The following XKR9 variants were observed in gnomAD, a reference collection of about 807,000 sequenced individuals.
XKR9 encodes the protein XK-related protein 9.
Under a neutral mutation model 32.0 loss-of-function variants are expected in XKR9, and 32 were observed. The ratio of observed to expected loss-of-function variants is 1.00; its 90% CI spans 0.76 to 1.34. The LOEUF is 1.34. Among genes scored for constraint, XKR9 ranks in the 40% most tolerant of loss-of-function variants. XKR9 has a pLI of 0.00. For synonymous variants in XKR9, 168 were observed against 143.4 expected (o/e 1.17, Z -1.22); for missense variants, 546 against 429.7 (o/e 1.27, Z -2.39).
the XKR9 span, among the ~76,000 whole-genome samples, chr8:71,031,890 A>G: frequency 6.6e-6 from 1 of 152,166 alleles, no homozygotes; most frequent in Non-Finnish European, 1.5e-5. Context: ...TTGGACCTGT[A>G]CAGTCCACTG....
intron 2 of XKR9, among the ~76,000 whole-genome samples, chr8:70,771,582 A>C (rs1422957172): frequency 6.6e-6 from 1 of 152,212 alleles, no homozygotes; most frequent in Non-Finnish European, 1.5e-5. Context: ...TACTTCAAAA[A>C]ATATTATGCT....
chr8:70,840,786 A>G, the XKR9 span, among the ~76,000 whole-genome samples: 1 of 152,178 alleles, frequency 6.6e-6, no homozygotes, highest in African/African-American at 2.4e-5. Context: ...GGAGAAATTC[A>G]CAATGTTTAC....
At chr8:70,712,476 C>A (rs1471477421) in intron 4 of XKR9, among the ~76,000 whole-genome samples, 2 of 151,980 alleles carry the variant, frequency 1.3e-5, no homozygotes, top group South Asian at 2.1e-4. Context: ...AACTCAGGGT[C>A]CTCACAACCT....
intron 1 of XKR9, among the ~76,000 whole-genome samples, chr8:70,669,768 G>C (rs187563782): frequency 5.0e-4 from 75 of 148,972 alleles, no homozygotes; most frequent in African/African-American, 1.7e-3. Context: ...CCGGGTTCAC[G>C]CCATCCTCCT....
chr8:70,929,306 T>C, the XKR9 span, among the ~76,000 whole-genome samples: 3 of 152,182 alleles, frequency 2.0e-5, no homozygotes, highest in Non-Finnish European at 4.4e-5. Flanking sequence ...TTAATTAAAA[T>C]TAATTTAAAC....
the XKR9 span, among the ~76,000 whole-genome samples, chr8:71,040,985 G>A: frequency 2.7e-4 from 41 of 152,062 alleles, no homozygotes; most frequent in African/African-American, 9.4e-4. Flanking sequence ...CATGTCAACT[G>A]GAAATAACTA....
the XKR9 span, among the ~76,000 whole-genome samples, chr8:71,050,256 T>G: frequency 9.0e-3 from 1,184 of 130,870 alleles, 20 homozygotes; most frequent in African/African-American, 0.037. Context: ...TATATATATA[T>G]ATATAGATAG....
the XKR9 span, among the ~76,000 whole-genome samples, chr8:71,050,234 G>GATATATATATATATAT: frequency 8.3e-5 from 8 of 95,954 alleles, no homozygotes; most frequent in Admixed American, 2.1e-4. Flanking sequence ...ATGCCTGGCA[G>GATATATATATATATAT]AGATATATAT....
chr8:70,783,672 T>G (rs1372578562), intron 2 of XKR9, among the ~76,000 whole-genome samples: 1 of 152,224 alleles, frequency 6.6e-6, no homozygotes, highest in South Asian at 2.1e-4. Context: ...TCTCACACTG[T>G]TAATTGTTTT....
At chr8:70,677,252 C>G (rs1313702263) in intron 2 of XKR9, among the ~76,000 whole-genome samples, 2 of 147,428 alleles carry the variant, frequency 1.4e-5, no homozygotes, top group Non-Finnish European at 3.1e-5. Flanking sequence ...CTTAAATGAT[C>G]CTCCCACCTC....
chr8:70,707,088 G>T lies in XKR9; in HGVS notation c.428G>T (p.Gly143Val). The T allele has an allele frequency of 6.2e-7, 1 of 1,613,370 alleles. No homozygotes were observed. The highest frequency in any genetic ancestry group is 8.5e-7 in the Non-Finnish European group (1 of 1,179,492). Residue 143 changes from glycine (G) to valine (V), a missense_variant, in exon 4 of 5, where the codon GGC becomes GTC. Transcript: ENST00000408926. The stretch of plus-strand genomic sequence containing the variant: ...AGACTATTTGAGACCTACCTGGAAG[G>T]CTGCCCACAACTTATTCTTCAACTC... ...MLRLFETYLE[G>V]CPQLILQLYI...
At chr8:70,949,981 G>A in the XKR9 span, among the ~76,000 whole-genome samples, 1 of 152,286 alleles carries the variant, frequency 6.6e-6, no homozygotes, top group South Asian at 2.1e-4. Flanking sequence ...AGGCTCTATG[G>A]CCTCCCAACA....
the XKR9 span, among the ~76,000 whole-genome samples, chr8:70,933,792 C>T: frequency 6.6e-6 from 1 of 152,010 alleles, no homozygotes; most frequent in Non-Finnish European, 1.5e-5. Flanking sequence ...GCTCTACATC[C>T]ACACAAGAGT....
the XKR9 span, among the ~76,000 whole-genome samples, chr8:70,842,675 G>T: frequency 6.6e-6 from 1 of 152,016 alleles, no homozygotes; most frequent in Non-Finnish European, 1.5e-5. Context: ...TCATTAATTT[G>T]CCTAATCCTT....
chr8:70,686,882 C>T (rs951330209), intron 3 of XKR9, among the ~76,000 whole-genome samples: 5 of 151,806 alleles, frequency 3.3e-5, no homozygotes, highest in African/African-American at 4.8e-5. Context: ...TTTTGATAGA[C>T]ATATATAATG....
intron 2 of XKR9, among the ~76,000 whole-genome samples, chr8:70,743,917 G>A (rs528991566): frequency 6.6e-6 from 1 of 151,948 alleles, no homozygotes; most frequent in Admixed American, 6.6e-5. Context: ...GCTGTGAAGT[G>A]CTTTGAGGTA....
chr8:70,707,836 G>A (rs1206949390), intron 4 of XKR9, among the ~76,000 whole-genome samples: 3 of 151,974 alleles, frequency 2.0e-5, no homozygotes, highest in Admixed American at 2.0e-4. Context: ...TTAAAGAAAA[G>A]TCTATTTCCA....
intron 2 of XKR9, among the ~76,000 whole-genome samples, chr8:70,778,487 A>G (rs1807564431): frequency 6.6e-6 from 1 of 152,186 alleles, no homozygotes; most frequent in Admixed American, 6.5e-5. Flanking sequence ...CTGTGAAGAA[A>G]GTCAGTGGTA....
At chr8:70,827,476 G>T in the XKR9 span, among the ~76,000 whole-genome samples, 1 of 151,964 alleles carries the variant, frequency 6.6e-6, no homozygotes, top group Non-Finnish European at 1.5e-5. Flanking sequence ...TTTTACATAT[G>T]GTAATTAGAA....
Sources: allele counts gnomAD v4.1 joint callset (sites outside exome capture counted in the v4.1 genomes callset), GRCh38; gene constraint gnomAD v4.1.1; transcripts MANE v1.5; gene names NCBI Gene and HGNC (gene_info 2026-07-23, HGNC 2026-07-21).